Variants in CACNA1C observed in about 807,000 individuals in gnomAD.
CACNA1C encodes calcium voltage-gated channel subunit alpha1 C.
In CACNA1C, 30 loss-of-function variants were observed where a neutral mutation model predicts 229.0. The observed-to-expected ratio is 0.13, with a 90% CI of 0.10 to 0.18. The LOEUF (loss-of-function observed/expected upper bound fraction) is 0.18. CACNA1C is among the 10% of genes least tolerant of loss of function. The pLI is 1.00. For missense variants in CACNA1C, 1,658 were observed against 2,845.0 expected, an observed-to-expected ratio of 0.58 and a Z score of 9.49; for synonymous variants, 1,114 against 1,132.5, an observed-to-expected ratio of 0.98 and a Z score of 0.33.
At chr12:2,001,456 A>T (rs1593425192) in intron 1 of CACNA1C, among the ~76,000 whole-genome samples, 1 of 152,348 alleles carries the variant, frequency 6.6e-6, no homozygotes, top group East Asian at 1.9e-4. Flanking sequence ...AATACTAAAA[A>T]ACCCAAAATG....
Position 2,558,399 on chromosome 12 carries a change from C to T in CACNA1C, c.1508+1422C>T, listed in dbSNP as rs144783609. 1.4e-3 allele frequency among the ~76,000 whole-genome samples: 216 copies of T among 152,332 alleles called. 4 individuals carry two copies. In the East Asian group the frequency reaches 0.031, roughly 22 times the overall value. ...GGAGTCCATGCCCTCTACTTGCCTC[C>T]GGCCTTGAAATCTCCACCTCTGCTC... On this transcript the variant is annotated intron_variant, in intron 11 of 46. Transcript: ENST00000399655.
At chr12:2,145,366 T>C (rs2094607402) in intron 3 of CACNA1C, among the ~76,000 whole-genome samples, 1 of 151,332 alleles carries the variant, frequency 6.6e-6, no homozygotes, top group Non-Finnish European at 1.5e-5. Flanking sequence ...GTAATAAAAC[T>C]CTTTGTTTAT....
At position 2,034,435 on chromosome 12, in the gene CACNA1C, T is replaced by C. The variant is rs148611925; in HGVS notation, c.139+63234T>C. Among the ~76,000 whole-genome samples the C allele has an allele frequency of 2.5e-3, 374 of 152,354 alleles. 2 individuals are homozygous for C. Among genetic ancestry groups the C allele is most frequent in the Middle Eastern group, 0.02 (6 of 294 alleles). ...GCTCATGGTCAGAGTTGTCCAGAGATGGGATGAACAAGCCCAGCTGGGGCT... is the reference window on the plus strand; with the variant it reads ...GCTCATGGTCAGAGTTGTCCAGAGACGGGATGAACAAGCCCAGCTGGGGCT... On this transcript the variant is annotated intron_variant, in intron 1 of 46. Transcript: ENST00000682462. This position sits in a 1 kb window ranked among gnomAD's most constrained non-coding sequence, Gnocchi z 4.1.
chr12:1,999,940 T>C (rs543957319), intron 1 of CACNA1C, among the ~76,000 whole-genome samples: 3 of 152,112 alleles, frequency 2.0e-5, no homozygotes, highest in South Asian at 4.1e-4. Context: ...AATGAAAAAA[T>C]ATATATACAG....
chr12:2,500,269 G>A (rs1055977645), intron 7 of CACNA1C, among the ~76,000 whole-genome samples: 4 of 152,260 alleles, frequency 2.6e-5, no homozygotes, highest in Admixed American at 1.3e-4. Flanking sequence ...CTGTCTGTGG[G>A]GCCATGACCT....
At chr12:2,121,093 A>G (rs2086499505) in intron 3 of CACNA1C, among the ~76,000 whole-genome samples, 1 of 152,164 alleles carries the variant, frequency 6.6e-6, no homozygotes, top group African/African-American at 2.4e-5. Context: ...CATGTGAGGA[A>G]AAGAGCTCTG....
intron 3 of CACNA1C, among the ~76,000 whole-genome samples, chr12:2,370,020 CAATT>C (rs2097820586): frequency 6.6e-6 from 1 of 152,110 alleles, no homozygotes; most frequent in Admixed American, 6.5e-5. Flanking sequence ...TCTTAGAAAT[CAATT>C]AAAGAAACAC....
intron 29 of CACNA1C, 50 bp from the exon 30 acceptor site, chr12:2,634,247 T>C: frequency 1.1e-6 from 1 of 887,184 alleles, no homozygotes; most frequent in Admixed American, 2.8e-5. Flanking sequence ...GTTTTGTCCT[T>C]TCTTGTTGGT....
At chr12:2,243,318 G>A (rs1303865057) in intron 3 of CACNA1C, among the ~76,000 whole-genome samples, 1 of 152,180 alleles carries the variant, frequency 6.6e-6, no homozygotes, top group Non-Finnish European at 1.5e-5. Flanking sequence ...GTAAGTAATT[G>A]CTGATGAATT....
intron 3 of CACNA1C, among the ~76,000 whole-genome samples, chr12:2,240,315 G>GA (rs1350549678): frequency 1.3e-5 from 2 of 152,152 alleles, no homozygotes; most frequent in Admixed American, 1.3e-4. Context: ...CCCCTATTTA[G>GA]AAAAACAAAG....
At chr12:2,423,302 A>G (rs1019630920) in intron 3 of CACNA1C, among the ~76,000 whole-genome samples, 23 of 152,086 alleles carry the variant, frequency 1.5e-4, no homozygotes, top group African/African-American at 5.3e-4. Flanking sequence ...CTTTATTTTC[A>G]TCATCTTCAT....
intron 9 of CACNA1C, among the ~76,000 whole-genome samples, chr12:2,533,711 G>T (rs1183073305): frequency 6.6e-6 from 1 of 152,190 alleles, no homozygotes; most frequent in Non-Finnish European, 1.5e-5. Context: ...GCTCTTCCTT[G>T]TCCCAGGAGC....
intron 3 of CACNA1C, among the ~76,000 whole-genome samples, chr12:2,334,938 T>G (rs1345658195): frequency 1.3e-5 from 2 of 152,218 alleles, no homozygotes; most frequent in Non-Finnish European, 2.9e-5. Flanking sequence ...AGCTTCATTA[T>G]CAGAGCTTCT....
Position 2,682,669 on chromosome 12 carries a change from C to T in CACNA1C, c.5564C>T (p.Ser1855Phe). Residue 1855 changes from serine to phenylalanine, a missense_variant, in exon 43 of 47, where the codon TCC (serine) becomes TTC (phenylalanine). Physicochemically the swap from Ser to Phe is radical, Grantham distance 155. Coordinates refer to ENST00000399655, the MANE Select transcript of CACNA1C (RefSeq NM_000719.7). ...TEACSEPSLL[S>F]TEMLSYQDDE... ...GCCTGCAGTGAGCCCAGCCTGCTCTCCACAGAGATGTGAGCTCTGCTGCCC... is the reference window on the plus strand; with the variant it reads ...GCCTGCAGTGAGCCCAGCCTGCTCTTCACAGAGATGTGAGCTCTGCTGCCC... 1 of 1,610,872 alleles carries T rather than the reference C, an allele frequency of 6.2e-7. No homozygotes were observed. Among genetic ancestry groups the T allele is most frequent in the Non-Finnish European group, 8.5e-7 (1 of 1,179,500 alleles).
At chr12:2,283,412 G>C (rs957545920) in intron 3 of CACNA1C, among the ~76,000 whole-genome samples, 2 of 152,132 alleles carry the variant, frequency 1.3e-5, no homozygotes, top group Non-Finnish European at 2.9e-5. Flanking sequence ...ACAAGGTTGG[G>C]CTGGACAAAT....
At chr12:2,210,770 A>G (rs955039201) in intron 3 of CACNA1C, among the ~76,000 whole-genome samples, 2 of 152,230 alleles carry the variant, frequency 1.3e-5, no homozygotes, top group Non-Finnish European at 2.9e-5. Flanking sequence ...CAGTCATGCA[A>G]CATACCTTTC....
chr12:2,416,989 A>C (rs1336880037), intron 3 of CACNA1C, among the ~76,000 whole-genome samples: 1 of 152,130 alleles, frequency 6.6e-6, no homozygotes, highest in African/African-American at 2.4e-5. Flanking sequence ...GATGTTAGTG[A>C]CTGCCTCTCC....
chr12:2,565,269 C>T (rs532852804), intron 11 of CACNA1C, among the ~76,000 whole-genome samples: 6 of 151,422 alleles, frequency 4.0e-5, no homozygotes, highest in Admixed American at 3.3e-4. Context: ...GAGATCGAGA[C>T]CATCCTGGCT....
At chr12:2,518,917 A>G (rs2099804014) in intron 9 of CACNA1C, among the ~76,000 whole-genome samples, 1 of 152,192 alleles carries the variant, frequency 6.6e-6, no homozygotes, top group Non-Finnish European at 1.5e-5. Context: ...TTAGTGCTGG[A>G]AAGTTGCTGG....
Sources: allele counts gnomAD v4.1 joint callset (sites outside exome capture counted in the v4.1 genomes callset), GRCh38; gene constraint gnomAD v4.1.1; non-coding constraint Gnocchi (gnomAD v3.1); transcripts MANE v1.5; gene names NCBI Gene and HGNC (gene_info 2026-07-23, HGNC 2026-07-21).